MAP2K3: variants seen among roughly 807,000 people sequenced by gnomAD.
MAP2K3 encodes dual specificity mitogen-activated protein kinase kinase 3.
MAP2K3 carries 30 observed loss-of-function variants against 46.4 expected under a neutral mutation model. That is an observed-to-expected ratio of 0.65 (90% CI 0.48 to 0.88). The LOEUF (loss-of-function observed/expected upper bound fraction) is 0.88, where lower values mean the gene tolerates loss of function less well. MAP2K3 is among the 40% of genes least tolerant of loss of function. The pLI is 0.00. For synonymous variants in MAP2K3, 189 were observed against 176.3 expected (o/e 1.07, Z -0.57); for missense variants, 380 against 464.5 (o/e 0.82, Z 1.67).
In MAP2K3 at chr17:21,314,085, A is replaced by G. The variant is rs1657685; in HGVS notation, c.961-62A>G. 8.1e-4 allele frequency: 1,055 copies of G among 1,306,222 alleles called. 7 individuals carry two copies. The highest frequency in any genetic ancestry group is 7.8e-3 in the South Asian group (661 of 84,640). 80.9% of individuals were successfully genotyped at this position (1,306,222 alleles called of 1,614,324 possible). A position where few individuals can be genotyped will look rare whatever the true frequency, so the allele number is the denominator to read the frequency against. ...CACTTGGGCTGGAGCTGGTTGGGGA[A>G]GAGTGGCCACCTCTCCCTCCCGCTA... On this transcript the variant is annotated intron_variant, in intron 11 of 11. Coordinates refer to ENST00000342679, the MANE Select transcript of MAP2K3 (RefSeq NM_145109.3).
intron 9 of MAP2K3, among the ~76,000 whole-genome samples, chr17:21,307,831 C>T (rs868197924): frequency 3.4e-3 from 486 of 142,668 alleles, no homozygotes; most frequent in African/African-American, 0.012. Context: ...GCTCGTGCCA[C>T]CATGCCCGGC....
intron 1 of MAP2K3, chr17:21,291,497 G>A: frequency 2.2e-6 from 1 of 456,496 alleles, no homozygotes; most frequent in Non-Finnish European, 4.4e-6. Context: ...CTGACCTCGA[G>A]CCGGGCCCAC....
intron 7 of MAP2K3, 112 bp from the exon 8 acceptor site, chr17:21,304,314 G>A: frequency 1.3e-6 from 2 of 1,572,752 alleles, no homozygotes; most frequent in Non-Finnish European, 1.7e-6. Context: ...GGGCATGGGA[G>A]GGGGCACAGG....
At chr17:21,299,188 C>G (rs1226647626) in intron 3 of MAP2K3, among the ~76,000 whole-genome samples, 1 of 152,278 alleles carries the variant, frequency 6.6e-6, no homozygotes, top group African/African-American at 2.4e-5. Flanking sequence ...GAGCTGAGAG[C>G]AAGGCCCTGC....
chr17:21,307,845 CTTTTTTTTTTTT>C (rs35690616), intron 9 of MAP2K3, among the ~76,000 whole-genome samples: 265 of 104,788 alleles, frequency 2.5e-3, no homozygotes, highest in Middle Eastern at 8.9e-3. Context: ...GCCCGGCTAT[CTTTTTTTTTTTT>C]TTTTTTTTTT....
chr17:21,310,871 A>G (rs906232994), intron 9 of MAP2K3, among the ~76,000 whole-genome samples: 5 of 152,258 alleles, frequency 3.3e-5, no homozygotes, highest in Non-Finnish European at 7.3e-5. Context: ...CTCTTTAGAA[A>G]AAATAAAGGA....
In MAP2K3 at chr17:21,301,025, C is replaced by T. The variant is rs908361661; in HGVS notation, c.399+32C>T. 5 of 1,613,710 alleles carry T rather than the reference C, an allele frequency of 3.1e-6. No homozygotes were observed. The East Asian group carries it at 6.7e-5, about 22-fold the overall frequency. On this transcript the variant is annotated intron_variant, in intron 5 of 11. Coordinates refer to ENST00000342679, the MANE Select transcript of MAP2K3 (RefSeq NM_145109.3). ...CCTTGCATGATGCAGCTGGGGATCTCCACCTCCCACCCATCAGTCGCCTGC... is the reference window on the plus strand; with the variant it reads ...CCTTGCATGATGCAGCTGGGGATCTTCACCTCCCACCCATCAGTCGCCTGC...
chr17:21,310,495 CT>C (rs1232603836), intron 9 of MAP2K3, among the ~76,000 whole-genome samples: 1 of 152,146 alleles, frequency 6.6e-6, no homozygotes, highest in African/African-American at 2.4e-5. Context: ...GAGAGTCCCC[CT>C]GGGTGGGGCT....
At chr17:21,307,266 A>G (rs1172270116) in intron 9 of MAP2K3, among the ~76,000 whole-genome samples, 1 of 152,312 alleles carries the variant, frequency 6.6e-6, no homozygotes, top group Non-Finnish European at 1.5e-5. Flanking sequence ...CCTTGTGGAT[A>G]ACAAAGCCAC....
At chr17:21,300,816 T>C (rs1976553211) in intron 4 of MAP2K3, 58 bp from the exon 5 acceptor site, 2 of 1,613,212 alleles carry the variant, frequency 1.2e-6, no homozygotes, top group East Asian at 4.5e-5. Context: ...CCTCCTGTCA[T>C]GAGTGTGGGT....
chr17:21,285,229 C>A (rs1975692521), intron 1 of MAP2K3: 1 of 985,072 alleles, frequency 1.0e-6, no homozygotes, highest in African/African-American at 1.7e-5. Flanking sequence ...GTTCTGCTCA[C>A]CCCATCCAAG....
Position 21,301,010 on chromosome 17 carries a change from T to G in MAP2K3, c.399+17T>G, listed in dbSNP as rs1216040443. 2 of 1,613,998 alleles carry G rather than the reference T, an allele frequency of 1.2e-6. No individual in the cohort carries two copies. Among genetic ancestry groups the G allele is most frequent in the Non-Finnish European group, 1.7e-6 (2 of 1,179,998 alleles). ...TTCAGAGAGGTGCGTCCTTGCATGA[T>G]GCAGCTGGGGATCTCCACCTCCCAC... On this transcript the variant is annotated intron_variant, in intron 5 of 11. Coordinates refer to ENST00000342679, the MANE Select transcript of MAP2K3 (RefSeq NM_145109.3).
Position 21,302,199 on chromosome 17 carries a change from G to C in MAP2K3, c.456G>C (p.Arg152=), listed in dbSNP as rs2144591503. 1 of 1,614,276 alleles carries C rather than the reference G, an allele frequency of 6.2e-7. No individual in the cohort carries two copies. Among genetic ancestry groups the C allele is most frequent in the Non-Finnish European group, 8.5e-7 (1 of 1,180,030 alleles). The part of the protein sequence containing the change: ...LMDTSLDKFY[R]KVLDKNMTIP... ...ACACATCCTTGGACAAGTTCTACCG[G>C]AAGGTGCTGGATAAAAACATGACAA... The change falls in exon 6 of 12, where the codon CGG becomes CGC. Residue 152 remains arginine, a synonymous_variant. Transcript: ENST00000342679.
At chr17:21,309,598 A>T (rs191857521) in intron 9 of MAP2K3, among the ~76,000 whole-genome samples, 10 of 152,134 alleles carry the variant, frequency 6.6e-5, no homozygotes, top group Non-Finnish European at 1.3e-4. Context: ...AGAGAAATAC[A>T]AACAATATGT....
chr17:21,296,904 GCTGC>G, intron 1 of MAP2K3, among the ~76,000 whole-genome samples: 1 of 12 alleles, frequency 0.083, no homozygotes, highest in Non-Finnish European at 0.25. Context: ...GGCGGCAGCT[GCTGC>G]TGCTGCTGCT....
chr17:21,298,401 T>C lies in MAP2K3; in HGVS notation c.50-12T>C, dbSNP rs750526042. On this transcript the variant is annotated splice_polypyrimidine_tract_variant and intron_variant, in intron 1 of 11. Coordinates refer to ENST00000342679, the MANE Select transcript of MAP2K3 (RefSeq NM_145109.3). ...GGGATAGGCCAGACGCCTCACCTTC[T>C]CTCCATTCTAGGAAAATCCAAGAGG... The C allele has an allele frequency of 1.9e-6, 3 of 1,614,312 alleles. No homozygotes were observed. Among genetic ancestry groups the C allele is most frequent in the Non-Finnish European group, 8.5e-7 (1 of 1,180,058 alleles).
intron 1 of MAP2K3, among the ~76,000 whole-genome samples, chr17:21,292,945 C>T (rs2144491218): frequency 6.6e-6 from 1 of 152,430 alleles, no homozygotes; most frequent in Non-Finnish European, 1.5e-5. Context: ...CTCAGTTTCC[C>T]CATCTGCAGC....
At chr17:21,300,348 T>G (rs1367578522) in intron 3 of MAP2K3, 197 bp from the exon 4 acceptor site, 2 of 627,292 alleles carry the variant, frequency 3.2e-6, no homozygotes, top group Non-Finnish European at 5.6e-6. Flanking sequence ...CTGTGCCTGT[T>G]TTATAGAGGG....
chr17:21,313,355 C>T, intron 10 of MAP2K3, 137 bp from the exon 11 acceptor site: 1 of 670,078 alleles, frequency 1.5e-6, no homozygotes, highest in Non-Finnish European at 2.7e-6. Flanking sequence ...AAGCCCTAGA[C>T]AGTCCTGTCC....
Sources: gnomAD v4.1 joint callset for allele counts (sites outside exome capture counted in the v4.1 genomes callset) on GRCh38, gnomAD v4.1.1 for gene constraint, MANE v1.5 for transcripts, NCBI Gene and HGNC (gene_info 2026-07-23, HGNC 2026-07-21) for gene names.